PCDH15: variants seen among roughly 807,000 people sequenced by gnomAD.
PCDH15 encodes the protein protocadherin related 15.
PCDH15 carries 129 observed loss-of-function variants against 178.5 expected under a neutral mutation model. The ratio of observed to expected loss-of-function variants is 0.72; its 90% CI spans 0.63 to 0.84. PCDH15 has a LOEUF of 0.84. Ranked by LOEUF, PCDH15 falls within the 40% of genes least tolerant of loss-of-function variation. PCDH15 has a pLI of 0.00. For missense variants in PCDH15, 2,230 were observed against 2,099.9 expected, an observed-to-expected ratio of 1.06 and a Z score of -1.21; for synonymous variants, 800 against 732.0, an observed-to-expected ratio of 1.09 and a Z score of -1.50.
chr10:55,537,911 A>G (rs1029765898), intron 2 of PCDH15, among the ~76,000 whole-genome samples: 3 of 152,240 alleles, frequency 2.0e-5, no homozygotes, highest in African/African-American at 7.2e-5. Flanking sequence ...TTCTATCTAT[A>G]AAATATACAA....
At chr10:54,740,040 A>G (rs1591380091) in intron 1 of PCDH15, among the ~76,000 whole-genome samples, 1 of 152,036 alleles carries the variant, frequency 6.6e-6, no homozygotes, top group East Asian at 1.9e-4. Context: ...ATGGGATTAC[A>G]CTGAGCTAAA....
chr10:55,472,880 A>C (rs991360593), intron 2 of PCDH15, among the ~76,000 whole-genome samples: 1 of 152,062 alleles, frequency 6.6e-6, no homozygotes, highest in African/African-American at 2.4e-5. Context: ...GAAAATCACC[A>C]AGTTTTCTTT....
intron 20 of PCDH15, among the ~76,000 whole-genome samples, chr10:54,016,627 G>A (rs1381979245): frequency 6.6e-6 from 1 of 152,156 alleles, no homozygotes; most frequent in Non-Finnish European, 1.5e-5. Context: ...AACTAACATA[G>A]GAACAGAAAA....
rs137922222 is a variant in PCDH15, at chr10:53,943,530, C to T, written c.3123-2555G>A. 5.3e-5 allele frequency among the ~76,000 whole-genome samples: 8 copies of T among 151,982 alleles called. No individual in the cohort carries two copies. The South Asian group carries it at 8.3e-4, about 16-fold the overall frequency. On this transcript the variant is annotated intron_variant, in intron 23 of 37. Coordinates refer to ENST00000644397, the MANE Select transcript of PCDH15 (RefSeq NM_001384140.1). ...AAAAACAAAACAGAAAAGAAAAATGCTATGTCTTCTTTCAAATATTAAAAA... is the reference window on the plus strand; with the variant it reads ...AAAAACAAAACAGAAAAGAAAAATGTTATGTCTTCTTTCAAATATTAAAAA...
intron 1 of PCDH15, among the ~76,000 whole-genome samples, chr10:55,198,901 G>C (rs924451757): frequency 6.6e-6 from 1 of 152,034 alleles, no homozygotes; most frequent in Non-Finnish European, 1.5e-5. Flanking sequence ...TAAGTTTCCT[G>C]AGACTTCCCA....
chr10:55,256,332 C>T (rs1841997809), intron 1 of PCDH15, among the ~76,000 whole-genome samples: 1 of 152,190 alleles, frequency 6.6e-6, no homozygotes, highest in Non-Finnish European at 1.5e-5. Context: ...GCATTTCCAA[C>T]TGAGGTACCG....
intron 2 of PCDH15, among the ~76,000 whole-genome samples, chr10:54,913,443 G>A (rs1480740848): frequency 2.0e-5 from 3 of 152,188 alleles, no homozygotes; most frequent in African/African-American, 7.2e-5. Flanking sequence ...TTCACAGGAT[G>A]TATGAAAACA....
At chr10:54,513,557 T>C (rs76234542) in intron 3 of PCDH15, among the ~76,000 whole-genome samples, 3,003 of 152,248 alleles carry the variant, frequency 0.02, 95 homozygotes, top group African/African-American at 0.068. Context: ...ATTTTTGTCA[T>C]CATTGTAGAC....
chr10:54,027,356 C>T (rs1482910957), intron 18 of PCDH15, among the ~76,000 whole-genome samples: 1 of 151,866 alleles, frequency 6.6e-6, no homozygotes, highest in African/African-American at 2.4e-5. Flanking sequence ...GTGAAAATGG[C>T]CATACTGCCC....
chr10:55,209,946 C>G (rs1404208188), intron 1 of PCDH15, among the ~76,000 whole-genome samples: 1 of 151,860 alleles, frequency 6.6e-6, no homozygotes, highest in Non-Finnish European at 1.5e-5. Context: ...TGAAAAGATT[C>G]TAGAACTAAG....
chr10:55,222,226 T>G (rs1396076233), intron 1 of PCDH15, among the ~76,000 whole-genome samples: 1 of 152,000 alleles, frequency 6.6e-6, no homozygotes, highest in Non-Finnish European at 1.5e-5. Flanking sequence ...GCTTGTGAAA[T>G]GCCTCAAATA....
intron 2 of PCDH15, among the ~76,000 whole-genome samples, chr10:54,640,266 A>T (rs1489645017): frequency 6.6e-5 from 10 of 152,062 alleles, no homozygotes; most frequent in Non-Finnish European, 1.5e-4. Context: ...AAATGTAAAA[A>T]TTGGAAATTT....
intron 2 of PCDH15, among the ~76,000 whole-genome samples, chr10:55,142,014 A>G (rs928409307): frequency 2.0e-5 from 3 of 152,166 alleles, no homozygotes; most frequent in African/African-American, 7.2e-5. Context: ...ACATAAACAT[A>G]AAACTTCATT....
chr10:55,481,139 ATT>A (rs913236773), intron 2 of PCDH15, among the ~76,000 whole-genome samples: 5 of 151,864 alleles, frequency 3.3e-5, no homozygotes, highest in Admixed American at 2.6e-4. Context: ...TGTTCATAAT[ATT>A]CTCTGATGGT....
At chr10:54,563,591 A>C (rs1458501629) in intron 2 of PCDH15, among the ~76,000 whole-genome samples, 1 of 152,200 alleles carries the variant, frequency 6.6e-6, no homozygotes, top group East Asian at 1.9e-4. Flanking sequence ...CTTCAGACAA[A>C]GGTTCTCTAT....
intron 8 of PCDH15, among the ~76,000 whole-genome samples, chr10:54,249,022 T>A (rs1171522498): frequency 6.6e-6 from 1 of 151,638 alleles, no homozygotes; most frequent in Non-Finnish European, 1.5e-5. Flanking sequence ...GATTAAAAAA[T>A]GATCCTAGAG....
chr10:54,278,639 G>T (rs1450512951), intron 8 of PCDH15, among the ~76,000 whole-genome samples: 7 of 151,394 alleles, frequency 4.6e-5, no homozygotes, highest in African/African-American at 1.7e-4. Context: ...TGTCATTCTT[G>T]GTATTTCTGA....
chr10:54,667,202 T>A (rs2094585613), intron 1 of PCDH15, among the ~76,000 whole-genome samples: 1 of 152,068 alleles, frequency 6.6e-6, no homozygotes, highest in Admixed American at 6.6e-5. Context: ...CTTTCATCTA[T>A]ATCTGCCTGA....
At chr10:53,878,304 C>CTA (rs201078136) in intron 26 of PCDH15, among the ~76,000 whole-genome samples, 2 of 90,884 alleles carry the variant, frequency 2.2e-5, no homozygotes, top group South Asian at 4.1e-4. Context: ...TATATATAGA[C>CTA]TATATATATT....
Sources: gnomAD v4.1 joint callset for allele counts (sites outside exome capture counted in the v4.1 genomes callset) on GRCh38, gnomAD v4.1.1 for gene constraint, MANE v1.5 for transcripts, NCBI Gene and HGNC (gene_info 2026-07-23, HGNC 2026-07-21) for gene names.